Variants in C8orf34 observed in about 807,000 individuals in gnomAD.
C8orf34 encodes uncharacterized protein C8orf34.
C8orf34 carries 65 observed loss-of-function variants against 68.3 expected under a neutral mutation model. That is an observed-to-expected ratio of 0.95 (90% CI 0.78 to 1.17). C8orf34 has a LOEUF of 1.17. Ranked by LOEUF, C8orf34 falls within the 50% of genes most tolerant of loss-of-function variation. C8orf34 has a pLI of 0.00. For synonymous variants in C8orf34, 244 were observed against 241.2 expected, an observed-to-expected ratio of 1.01 and a Z score of -0.11; for missense variants, 664 against 655.4, an observed-to-expected ratio of 1.01 and a Z score of -0.14.
intron 10 of C8orf34, among the ~76,000 whole-genome samples, chr8:68,769,123 C>CT (rs920669856): frequency 2.7e-5 from 4 of 150,806 alleles, no homozygotes; most frequent in Non-Finnish European, 4.4e-5. Context: ...TGTGTAATTT[C>CT]TTTTTTTTTA....
chr8:68,343,423 C>CATTT (rs932976453), intron 1 of C8orf34, among the ~76,000 whole-genome samples: 6 of 151,758 alleles, frequency 4.0e-5, no homozygotes, highest in Non-Finnish European at 5.9e-5. Context: ...TTTATTTTTA[C>CATTT]ATTTATTTAT....
chr8:68,453,078 T>C (rs928504373), intron 3 of C8orf34, among the ~76,000 whole-genome samples: 2 of 151,974 alleles, frequency 1.3e-5, no homozygotes, highest in Non-Finnish European at 2.9e-5. Context: ...TAACCATGAA[T>C]ACGAGGGTTT....
At chr8:68,784,754 T>G (rs371601738) in intron 11 of C8orf34, among the ~76,000 whole-genome samples, 2 of 152,108 alleles carry the variant, frequency 1.3e-5, no homozygotes, top group East Asian at 3.9e-4. Flanking sequence ...CTTTTTCAGT[T>G]AGTCCCTTAT....
At chr8:68,425,596 T>C (rs945195759) in intron 1 of C8orf34, among the ~76,000 whole-genome samples, 5 of 152,118 alleles carry the variant, frequency 3.3e-5, no homozygotes, top group African/African-American at 1.2e-4. Flanking sequence ...GGTTAAAACA[T>C]TTAGCATCTC....
intron 8 of C8orf34, among the ~76,000 whole-genome samples, chr8:68,665,983 A>ATTAATGTAT (rs1383932040): frequency 1.3e-5 from 2 of 152,234 alleles, no homozygotes; most frequent in Non-Finnish European, 2.9e-5. Context: ...ATTAATGGCA[A>ATTAATGTAT]GTGTATGAGG....
chr8:68,337,248 A>G (rs1805890194), intron 1 of C8orf34, among the ~76,000 whole-genome samples: 1 of 152,224 alleles, frequency 6.6e-6, no homozygotes, highest in Non-Finnish European at 1.5e-5. Context: ...GGCAGACACT[A>G]CTTCGTTCAA....
At chr8:68,419,991 A>G (rs919664147) in intron 1 of C8orf34, among the ~76,000 whole-genome samples, 19 of 151,524 alleles carry the variant, frequency 1.3e-4, no homozygotes, top group Middle Eastern at 3.4e-3. Context: ...TAAAAAAAAA[A>G]AAGAAAAAAG....
intron 10 of C8orf34, among the ~76,000 whole-genome samples, chr8:68,765,183 T>C (rs1465985596): frequency 6.6e-6 from 1 of 152,244 alleles, no homozygotes. Flanking sequence ...CATTTCATTC[T>C]CAGAATAACC....
At chr8:68,449,152 A>G (rs2129627203) in intron 3 of C8orf34, among the ~76,000 whole-genome samples, 1 of 152,260 alleles carries the variant, frequency 6.6e-6, no homozygotes, top group South Asian at 2.1e-4. Context: ...AGTTAGTCAC[A>G]TGGAAAAACA....
At chr8:68,657,807 C>A (rs1213313838) in intron 8 of C8orf34, among the ~76,000 whole-genome samples, 2 of 152,122 alleles carry the variant, frequency 1.3e-5, no homozygotes. Context: ...CATTGCCTGC[C>A]TGGTTAATAA....
rs144906742 is a variant in C8orf34, at chr8:68,346,068, A to G, written c.327+14729A>G. On this transcript the variant is annotated intron_variant, in intron 1 of 13. Transcript: ENST00000518698. Reference sequence around the variant, plus strand: ...TTGGTAAAGAAATCAATTGTTTTGAAATTGTATTGAATGAAATAGAATATG... The same window carrying G: ...TTGGTAAAGAAATCAATTGTTTTGAGATTGTATTGAATGAAATAGAATATG... Among the ~76,000 whole-genome samples, 315 of 152,224 alleles carry G rather than the reference A, an allele frequency of 2.1e-3. 2 individuals are homozygous for G. The highest frequency in any genetic ancestry group is 6.8e-3 in the African/African-American group (284 of 41,536).
chr8:68,525,843 T>C (rs1350180791), intron 6 of C8orf34: 1 of 385,438 alleles, frequency 2.6e-6, no homozygotes, highest in East Asian at 7.0e-5. Context: ...ACCTGGTGTT[T>C]GTCTCTCTTT....
intron 9 of C8orf34, among the ~76,000 whole-genome samples, 164 bp downstream of exon 9, chr8:68,709,243 G>A (rs990867020): frequency 6.6e-6 from 1 of 152,160 alleles, no homozygotes; most frequent in South Asian, 2.1e-4. Flanking sequence ...TTTGTGTCAG[G>A]ATAAGAGCAA....
intron 4 of C8orf34, among the ~76,000 whole-genome samples, chr8:68,486,232 T>C (rs1813072310): frequency 6.6e-6 from 1 of 152,146 alleles, no homozygotes; most frequent in Non-Finnish European, 1.5e-5. Context: ...TCTCTTAGTC[T>C]CACATCTTCC....
rs1420157692 is a variant in C8orf34 at position 68,740,882 on chromosome 8, T to G, written c.1404+19445T>G. ...AAGCAAATGTGGTACATATACACTA[T>G]GGAATACTATGCAGTCCTAAAGAAG... On this transcript the variant is annotated intron_variant, in intron 10 of 13. Coordinates refer to ENST00000518698, the MANE Select transcript of C8orf34 (RefSeq NM_052958.4). Among the ~76,000 whole-genome samples, 3 of 152,234 alleles carry G rather than the reference T, an allele frequency of 2.0e-5. No homozygotes were observed. In the East Asian group the frequency reaches 5.8e-4, roughly 29 times the overall value.
intron 8 of C8orf34, chr8:68,695,595 G>A (rs1214283068): frequency 6.6e-6 from 1 of 152,078 alleles, no homozygotes; most frequent in Non-Finnish European, 1.5e-5. Flanking sequence ...CCATGCATTT[G>A]GAAAACAGGT....
chr8:68,724,005 A>G (rs1206624447), intron 10 of C8orf34, among the ~76,000 whole-genome samples: 1 of 152,158 alleles, frequency 6.6e-6, no homozygotes, highest in Non-Finnish European at 1.5e-5. Flanking sequence ...ATATCATATT[A>G]CACATTTAAA....
intron 7 of C8orf34, chr8:68,535,913 A>G (rs1586338248): frequency 4.2e-6 from 4 of 960,332 alleles, no homozygotes; most frequent in South Asian, 9.6e-5. Flanking sequence ...CTGCCAAGTC[A>G]TCTCATGCTC....
chr8:68,601,804 T>C (rs1356449442), intron 7 of C8orf34, among the ~76,000 whole-genome samples: 1 of 152,180 alleles, frequency 6.6e-6, no homozygotes, highest in Non-Finnish European at 1.5e-5. Flanking sequence ...TGATTTTCTA[T>C]TGTGTACTGC....
Sources: allele counts gnomAD v4.1 joint callset (sites outside exome capture counted in the v4.1 genomes callset), GRCh38; gene constraint gnomAD v4.1.1; transcripts MANE v1.5; gene names NCBI Gene and HGNC (gene_info 2026-07-23, HGNC 2026-07-21).